CORO7: variants seen among roughly 807,000 people sequenced by gnomAD.
The protein encoded by CORO7 is coronin-7.
CORO7 carries 107 observed loss-of-function variants against 126.6 expected under a neutral mutation model. The observed-to-expected ratio is 0.85, with a 90% confidence interval of 0.72 to 0.99. CORO7 has a LOEUF of 0.99. Among genes scored for constraint, CORO7 ranks in the 50% least tolerant of loss-of-function variants. CORO7 has a pLI of 0.00. For missense variants in CORO7, 1,314 were observed against 1,255.8 expected (o/e 1.05, Z -0.70); for synonymous variants, 603 against 536.8 (o/e 1.12, Z -1.70).
intron 9 of CORO7, chr16:4,381,835 C>A (rs757364192): frequency 6.2e-6 from 10 of 1,601,424 alleles, no homozygotes; most frequent in Non-Finnish European, 6.8e-6. Flanking sequence ...CCACGTCACA[C>A]TGGCCAGCCC....
chr16:4,415,984 CACT>C (rs1037111398), intron 1 of CORO7: 5 of 658,492 alleles, frequency 7.6e-6, no homozygotes, highest in Middle Eastern at 7.5e-4. Context: ...CCCTCCCCAC[CACT>C]GACACACTTG....
In CORO7 at chr16:4,382,679, G is replaced by A. The variant is rs761143907; in HGVS notation, c.785+5307C>T. 178 of 1,547,528 alleles carry A rather than the reference G, an allele frequency of 1.2e-4. No individual in the cohort carries two copies. The highest frequency in any genetic ancestry group is 2.4e-4 in the East Asian group (10 of 41,056). On this transcript the variant is annotated intron_variant, in intron 9 of 27. Coordinates refer to ENST00000251166, the MANE Select transcript of CORO7 (RefSeq NM_024535.5). ...GTGGGGGCAGCCTACTGTGTGCGGC[G>A]GGGGCGGGCCATGGCAGCAGCGGCT...
Position 4,362,022 on chromosome 16 carries a change from G to A in CORO7, c.1541C>T (p.Pro514Leu), listed in dbSNP as rs764266901. The change falls in exon 16 of 28, where the codon CCG becomes CTG. Residue 514 changes from proline (P) to leucine (L), a missense_variant. Physicochemically the swap from Pro to Leu is moderately conservative, Grantham distance 98 (BLOSUM62 -3). Coordinates refer to ENST00000251166, the MANE Select transcript of CORO7 (RefSeq NM_024535.5). This position sits in a 1 kb window ranked among gnomAD's most constrained non-coding sequence, Gnocchi z 5.3. Reference sequence around the variant, plus strand: ...CACCTGTCCCCCGCTGCTGAGCAGCGGCACGGCCACACGCAGCTTGTTGGC... The same window carrying A: ...CACCTGTCCCCCGCTGCTGAGCAGCAGCACGGCCACACGCAGCTTGTTGGC... ...FCANKLRVAV[P>L]LLSSGGQVAV... 8.7e-6 allele frequency: 14 copies of A among 1,612,234 alleles called. No individual in the cohort carries two copies. Among genetic ancestry groups the A allele is most frequent in the African/African-American group, 4.0e-5 (3 of 74,918 alleles).
chr16:4,374,446 G>A (rs1428823498), intron 9 of CORO7, among the ~76,000 whole-genome samples: 1 of 152,100 alleles, frequency 6.6e-6, no homozygotes, highest in Non-Finnish European at 1.5e-5. Context: ...GGTTCGGGAC[G>A]GCCCCCACCA....
At chr16:4,357,123 C>G in intron 26 of CORO7, 45 bp downstream of exon 26, 1 of 1,611,040 alleles carries the variant, frequency 6.2e-7, no homozygotes, top group Non-Finnish European at 8.5e-7. Flanking sequence ...CCAGGTGCAG[C>G]CAGGACTCTG....
intron 4 of CORO7, 124 bp downstream of exon 4, chr16:4,408,055 GCC>G (rs2056071069): frequency 7.0e-7 from 1 of 1,419,796 alleles, no homozygotes; most frequent in Non-Finnish European, 9.7e-7. Flanking sequence ...CAGCCCCGCA[GCC>G]CTGGGGAGTG....
intron 25 of CORO7, 186 bp downstream of exon 25, chr16:4,357,782 G>C (rs2054026557): frequency 9.5e-7 from 1 of 1,054,190 alleles, no homozygotes; most frequent in Non-Finnish European, 1.3e-6. Flanking sequence ...GTGGGGACCT[G>C]TGATGAAAAC....
At chr16:4,415,692 C>G (rs58211262) in intron 1 of CORO7, 1 of 985,130 alleles carries the variant, frequency 1.0e-6, no homozygotes, top group Non-Finnish European at 1.2e-6. Flanking sequence ...GCCCAGTTAT[C>G]GGAGGACACT....
At chr16:4,367,781 T>C (rs2054393735) in intron 9 of CORO7, among the ~76,000 whole-genome samples, 1 of 151,902 alleles carries the variant, frequency 6.6e-6, no homozygotes, top group African/African-American at 2.4e-5. Context: ...ACAGTGTGGG[T>C]GAGGGCTGAG....
At chr16:4,381,850 G>A in intron 9 of CORO7, 1 of 1,602,092 alleles carries the variant, frequency 6.2e-7, no homozygotes, top group Non-Finnish European at 8.5e-7. Context: ...CAGCCCTGAG[G>A]AGACGCGCTG....
chr16:4,367,163 G>A (rs570023262), intron 9 of CORO7, among the ~76,000 whole-genome samples: 3 of 152,184 alleles, frequency 2.0e-5, no homozygotes, highest in Non-Finnish European at 4.4e-5. Context: ...TCACCTGTGA[G>A]TAACACAGGC....
At chr16:4,367,593 G>A (rs1040905168) in intron 9 of CORO7, among the ~76,000 whole-genome samples, 15 of 152,186 alleles carry the variant, frequency 9.9e-5, no homozygotes, top group Admixed American at 2.6e-4. Context: ...ACAGAGCAGG[G>A]GGACTGGGCC....
intron 9 of CORO7, chr16:4,381,750 G>T (rs754777378): frequency 2.7e-5 from 43 of 1,602,904 alleles, no homozygotes; most frequent in Non-Finnish European, 3.6e-5. Context: ...CCCGCCTGCG[G>T]CTGCTGGCAG....
chr16:4,388,138 A>T (rs765135035), intron 8 of CORO7, 70 bp from the exon 9 acceptor site: 310 of 1,548,622 alleles, frequency 2.0e-4, no homozygotes, highest in Non-Finnish European at 2.6e-4. Flanking sequence ...CTCCCAGGGA[A>T]ACCAGCGCCT....
chr16:4,393,686 G>T (rs986689061), intron 7 of CORO7, among the ~76,000 whole-genome samples: 2 of 152,254 alleles, frequency 1.3e-5, no homozygotes, highest in East Asian at 3.9e-4. Flanking sequence ...TGGGGAGGGG[G>T]TATCTATGAT....
chr16:4,361,479 G>A lies in CORO7; in HGVS notation c.1579-10C>T, dbSNP rs1284988484. ...GGCCAGGCTTCCGTAGCTGTGGGAG[G>A]TGCCCCCACCCCGAGGCCCATCAGT... On this transcript the variant is annotated splice_polypyrimidine_tract_variant and intron_variant, in intron 16 of 27. Coordinates refer to ENST00000251166, the MANE Select transcript of CORO7 (RefSeq NM_024535.5). 4 of 1,610,640 alleles carry A rather than the reference G, an allele frequency of 2.5e-6. No homozygotes were observed. Among genetic ancestry groups the A allele is most frequent in the Non-Finnish European group, 3.4e-6 (4 of 1,179,576 alleles).
In CORO7 at chr16:4,362,597, G is replaced by A. The variant is rs79978563; in HGVS notation, c.1402+15C>T. 8,521 of 1,548,216 alleles carry A rather than the reference G, an allele frequency of 5.5e-3. 443 individuals are homozygous for A. The African/African-American group carries it at 0.1, about 19-fold the overall frequency. On this transcript the variant is annotated intron_variant, in intron 15 of 27. Transcript: ENST00000251166. This position sits in a 1 kb window ranked among gnomAD's most constrained non-coding sequence, Gnocchi z 5.3. Reference sequence around the variant, plus strand: ...CTCCTGCGGTAGGGGTGAGCTCCCCGTCCTGCCTCCTTACCCAGCAGGCTC... The same window carrying A: ...CTCCTGCGGTAGGGGTGAGCTCCCCATCCTGCCTCCTTACCCAGCAGGCTC...
At position 4,362,606 on chromosome 16, in the gene CORO7, CCTT is replaced by C. The variant is rs774036104; in HGVS notation, c.1402+3_1402+5del. The C allele has an allele frequency of 1.9e-6, 3 of 1,554,124 alleles. No homozygotes were observed. Among genetic ancestry groups the C allele is most frequent in the Non-Finnish European group, 2.6e-6 (3 of 1,153,398 alleles). On this transcript the variant is annotated splice_donor_5th_base_variant and intron_variant, in intron 15 of 27. Transcript: ENST00000251166. This position sits in a 1 kb window ranked among gnomAD's most constrained non-coding sequence, Gnocchi z 5.3. ...TAGGGGTGAGCTCCCCGTCCTGCCTCCTTACCCAGCAGGCTCTGCAGCGACCTC... is the reference window on the plus strand; with the variant it reads ...TAGGGGTGAGCTCCCCGTCCTGCCTCACCCAGCAGGCTCTGCAGCGACCTC...
chr16:4,360,861 A>G (rs909084132), intron 19 of CORO7, 82 bp downstream of exon 19: 31 of 1,289,156 alleles, frequency 2.4e-5, no homozygotes, highest in Non-Finnish European at 3.1e-5. Context: ...TGGCCCCGCC[A>G]CTCCTCACTG....
Sources: allele counts gnomAD v4.1 joint callset (sites outside exome capture counted in the v4.1 genomes callset), GRCh38; gene constraint gnomAD v4.1.1; non-coding constraint Gnocchi (gnomAD v3.1); transcripts MANE v1.5; gene names NCBI Gene and HGNC (gene_info 2026-07-23, HGNC 2026-07-21).